SLC4A10: variants seen among roughly 807,000 people sequenced by gnomAD.
The protein encoded by SLC4A10 is sodium-driven chloride bicarbonate exchanger.
In SLC4A10, 42 loss-of-function variants were observed where a neutral mutation model predicts 137.7. The ratio of observed to expected loss-of-function variants is 0.30; its 90% CI spans 0.24 to 0.39. SLC4A10 has a LOEUF of 0.39. Ranked by LOEUF, SLC4A10 falls within the 10% of genes least tolerant of loss-of-function variation. The pLI is 1.00. For missense variants in SLC4A10, 925 were observed against 1,355.0 expected (o/e 0.68, Z 4.98); for synonymous variants, 474 against 464.1 (o/e 1.02, Z -0.27).
In SLC4A10 at chr2:161,912,124, C is replaced by G. The variant is rs577405168; in HGVS notation, c.1997+6237C>G. On this transcript the variant is annotated intron_variant, in intron 15 of 26. Transcript: ENST00000446997. Reference sequence around the variant, plus strand: ...ACAGAATTTGTGTTTATCTTTCTACCTACAGAGAGCTAAGGGATTGGCAGA... The same window carrying G: ...ACAGAATTTGTGTTTATCTTTCTACGTACAGAGAGCTAAGGGATTGGCAGA... Among the ~76,000 whole-genome samples the G allele has an allele frequency of 5.9e-5, 9 of 152,122 alleles. 1 individual carries two copies. The highest frequency in any genetic ancestry group is 1.9e-4 in the African/African-American group (8 of 41,518).
At chr2:161,761,063 T>C (rs942459082) in intron 1 of SLC4A10, among the ~76,000 whole-genome samples, 1 of 152,076 alleles carries the variant, frequency 6.6e-6, no homozygotes, top group African/African-American at 2.4e-5. Flanking sequence ...GGCAAATTCA[T>C]ACATTTTACA....
At chr2:161,688,384 TA>T (rs1376309935) in intron 1 of SLC4A10, among the ~76,000 whole-genome samples, 1 of 152,176 alleles carries the variant, frequency 6.6e-6, no homozygotes, top group Non-Finnish European at 1.5e-5. Flanking sequence ...GAATAATTAA[TA>T]TTTTTTGGTG....
In SLC4A10 at chr2:161,873,992, A is replaced by T. The variant is rs746573378; in HGVS notation, c.935A>T (p.Gln312Leu). 6.3e-7 allele frequency: 1 copy of T among 1,590,108 alleles called. No homozygotes were observed. Among genetic ancestry groups the T allele is most frequent in the Admixed American group, 1.7e-5 (1 of 59,040 alleles). Residue 312 changes from glutamine (Q) to leucine (L), a missense_variant, in exon 8 of 27, where the codon CAG becomes CTG. Around this residue, in one of 11 missense-constraint regions of SLC4A10, gnomAD observed 277 missense variants for 306.1 expected, o/e 0.90. Coordinates refer to ENST00000446997, the MANE Select transcript of SLC4A10 (RefSeq NM_001178015.2). ...AGGCATGAAAAAGGACCTCCACACC[A>T]GCAAGAGAGAGAGGTGAGGGCATAC... ...KQRHEKGPPH[Q>L]QEREVDLHFM...
intron 1 of SLC4A10, among the ~76,000 whole-genome samples, chr2:161,750,983 A>C (rs909354820): frequency 5.9e-5 from 9 of 151,662 alleles, no homozygotes; most frequent in African/African-American, 1.7e-4. Context: ...GTGTACCTAG[A>C]GACAGTTTTT....
At chr2:161,881,894 A>G (rs1056131045) in intron 9 of SLC4A10, among the ~76,000 whole-genome samples, 5 of 151,978 alleles carry the variant, frequency 3.3e-5, no homozygotes, top group Admixed American at 2.6e-4. Context: ...AAAATTGCAC[A>G]TACACCTACT....
intron 10 of SLC4A10, among the ~76,000 whole-genome samples, chr2:161,885,729 G>A (rs2062214771): frequency 6.6e-6 from 1 of 152,164 alleles, no homozygotes; most frequent in African/African-American, 2.4e-5. Flanking sequence ...GAACTTTTGT[G>A]TATGTAGATA....
chr2:161,910,688 G>A lies in SLC4A10; in HGVS notation c.1997+4801G>A, dbSNP rs377606434. 8.5e-5 allele frequency among the ~76,000 whole-genome samples: 13 copies of A among 152,152 alleles called. No homozygotes were observed. In the East Asian group the frequency reaches 1.4e-3, roughly 16 times the overall value. ...AAAATATAATGATTACCAAGCTGTT[G>A]AAGGAGTGTTCTCACCAGCAGGTTA... On this transcript the variant is annotated intron_variant, in intron 15 of 26. Coordinates refer to ENST00000446997, the MANE Select transcript of SLC4A10 (RefSeq NM_001178015.2).
At chr2:161,914,338 T>G (rs1423389070) in intron 15 of SLC4A10, among the ~76,000 whole-genome samples, 1 of 152,206 alleles carries the variant, frequency 6.6e-6, no homozygotes, top group Admixed American at 6.5e-5. Flanking sequence ...AGTTTTTATA[T>G]AACCCCCACC....
At chr2:161,748,436 T>TTGTGTG (rs144251917) in intron 1 of SLC4A10, among the ~76,000 whole-genome samples, 2,227 of 142,500 alleles carry the variant, frequency 0.016, 47 homozygotes, top group African/African-American at 0.052. Context: ...CATTTTGAGT[T>TTGTGTG]TGTGTGTGTG....
rs1339338924 is a variant in SLC4A10, at chr2:161,933,183, T to TTTTTTTCTTTC, written c.1998-9606_1998-9605insTTTCTTTCTTT. Among the ~76,000 whole-genome samples, 183 of 97,686 alleles carry TTTTTTTCTTTC rather than the reference T, an allele frequency of 1.9e-3. 7 individuals carry two copies. The highest frequency in any genetic ancestry group is 5.6e-3 in the East Asian group (19 of 3,376). The allele number at this position is 97,686 out of a possible 152,430, so 64.1% of individuals were successfully genotyped here. A position where few individuals can be genotyped will look rare whatever the true frequency, so the allele number is the denominator to read the frequency against. On this transcript the variant is annotated intron_variant, in intron 15 of 26. Transcript: ENST00000446997. ...CTTTCTTTCTCTTTCCCCTTCCTTC[T>TTTTTTTCTTTC]TTTCTTTCTTTCTTTCTTTCTTTCT... is the stretch of plus-strand genomic sequence containing the variant.
chr2:161,948,093 G>T (rs529767593), intron 17 of SLC4A10, among the ~76,000 whole-genome samples: 1 of 152,014 alleles, frequency 6.6e-6, no homozygotes, highest in Non-Finnish European at 1.5e-5. Context: ...GGGAAGCCCC[G>T]GCAAGACTCA....
chr2:161,719,329 G>A (rs1438953421), intron 1 of SLC4A10, among the ~76,000 whole-genome samples: 1 of 152,138 alleles, frequency 6.6e-6, no homozygotes, highest in African/African-American at 2.4e-5. Context: ...TTGGTTCCAA[G>A]TCTTTGCTAT....
At chr2:161,883,286 G>A (rs563213324) in intron 10 of SLC4A10, among the ~76,000 whole-genome samples, 22 of 152,090 alleles carry the variant, frequency 1.4e-4, no homozygotes, top group African/African-American at 5.3e-4. Context: ...GAAATACATG[G>A]CTGCAGATAT....
At chr2:161,922,197 A>T (rs998417129) in intron 15 of SLC4A10, among the ~76,000 whole-genome samples, 3 of 152,314 alleles carry the variant, frequency 2.0e-5, no homozygotes, top group Non-Finnish European at 2.9e-5. Flanking sequence ...TTGAATGAAG[A>T]TAAATTTGAG....
intron 1 of SLC4A10, among the ~76,000 whole-genome samples, chr2:161,753,855 G>GTTAT (rs151205439): frequency 0.39 from 51,833 of 134,392 alleles, 10,775 homozygotes; most frequent in African/African-American, 0.44. Context: ...AATAACTCGA[G>GTTAT]TTATTTATTT....
At chr2:161,848,048 A>G (rs1283107477) in intron 4 of SLC4A10, among the ~76,000 whole-genome samples, 2 of 151,928 alleles carry the variant, frequency 1.3e-5, no homozygotes, top group Non-Finnish European at 2.9e-5. Context: ...TTATTTTTTG[A>G]CTTTTTAGTA....
At chr2:161,701,409 C>T (rs1395672039) in intron 1 of SLC4A10, among the ~76,000 whole-genome samples, 1 of 151,838 alleles carries the variant, frequency 6.6e-6, no homozygotes. Flanking sequence ...TTTCACTGCA[C>T]ACTATTTATT....
chr2:161,919,781 C>G (rs571716172), intron 15 of SLC4A10, among the ~76,000 whole-genome samples: 1 of 152,120 alleles, frequency 6.6e-6, no homozygotes, highest in South Asian at 2.1e-4. Flanking sequence ...TGAAACACAC[C>G]CCTGGCTCAC....
intron 15 of SLC4A10, among the ~76,000 whole-genome samples, chr2:161,908,157 A>G (rs1019783207): frequency 2.6e-5 from 4 of 152,172 alleles, no homozygotes; most frequent in African/African-American, 9.6e-5. Context: ...AAAATAAGAA[A>G]GAAGCATCAG....
Sources: allele counts gnomAD v4.1 joint callset (sites outside exome capture counted in the v4.1 genomes callset), GRCh38; gene constraint gnomAD v4.1.1; regional missense constraint gnomAD v4.1.1; transcripts MANE v1.5; gene names NCBI Gene and HGNC (gene_info 2026-07-23, HGNC 2026-07-21).